Variants in WDR49 observed in about 807,000 individuals in gnomAD.
WDR49 encodes WD repeat domain 49.
In WDR49, 107 loss-of-function variants were observed where a neutral mutation model predicts 119.5. The observed-to-expected ratio is 0.90, with a 90% CI of 0.77 to 1.05. The LOEUF (loss-of-function observed/expected upper bound fraction) is 1.05, where lower values mean the gene tolerates loss of function less well. WDR49 is among the 50% of genes least tolerant of loss of function. WDR49 has a pLI of 0.00. For missense variants in WDR49, 1,240 were observed against 1,220.5 expected (o/e 1.02, Z -0.24); for synonymous variants, 425 against 418.8 (o/e 1.01, Z -0.18).
intron 5 of WDR49, among the ~76,000 whole-genome samples, chr3:167,607,010 G>T (rs1716093317): frequency 6.6e-6 from 1 of 152,100 alleles, no homozygotes; most frequent in Non-Finnish European, 1.5e-5. Context: ...TTGGAAAAAA[G>T]GAATATGAGC....
At chr3:167,657,065 A>G (rs1718621540), upstream of WDR49, among the ~76,000 whole-genome samples, 3 of 152,194 alleles carry the variant, frequency 2.0e-5, no homozygotes, top group Admixed American at 1.3e-4. Context: ...TTCACAGTCC[A>G]CACCCAAATC....
At chr3:167,481,372 T>C (rs1169321732) in intron 18 of WDR49, among the ~76,000 whole-genome samples, 2 of 151,254 alleles carry the variant, frequency 1.3e-5, no homozygotes, top group Non-Finnish European at 2.9e-5. Context: ...GAGGAAGTGA[T>C]GAAATATGAG....
chr3:167,546,067 G>A (rs1345059907), intron 10 of WDR49, among the ~76,000 whole-genome samples: 2 of 151,704 alleles, frequency 1.3e-5, no homozygotes, highest in Non-Finnish European at 2.9e-5. Flanking sequence ...ATTACCCTTT[G>A]AGGAGGGAGA....
chr3:167,619,004 T>C (rs533488057), intron 5 of WDR49, among the ~76,000 whole-genome samples: 1 of 152,288 alleles, frequency 6.6e-6, no homozygotes, highest in Admixed American at 6.5e-5. Flanking sequence ...AATATATAGA[T>C]ATAATGCATC....
intron 6 of WDR49, among the ~76,000 whole-genome samples, chr3:167,603,209 T>C (rs1457737576): frequency 6.6e-6 from 1 of 152,164 alleles, no homozygotes; most frequent in Non-Finnish European, 1.5e-5. Flanking sequence ...CACAATACTC[T>C]TTGTTGCTTC....
intron 7 of WDR49, among the ~76,000 whole-genome samples, chr3:167,598,805 C>G (rs561218913): frequency 1.1e-4 from 17 of 152,318 alleles, no homozygotes; most frequent in African/African-American, 3.8e-4. Context: ...AGGGGGCACC[C>G]CAAACCCAGT....
At chr3:167,562,817 C>T (rs578208700) in intron 8 of WDR49, among the ~76,000 whole-genome samples, 7 of 152,276 alleles carry the variant, frequency 4.6e-5, no homozygotes, top group African/African-American at 1.7e-4. Context: ...ATCTGTAAAC[C>T]AGAAATATTC....
At chr3:167,620,631 A>G in intron 4 of WDR49, 28 bp from the exon 5 acceptor site, 2 of 1,508,590 alleles carry the variant, frequency 1.3e-6, no homozygotes, top group Non-Finnish European at 1.8e-6. Flanking sequence ...AAGAACAACA[A>G]TCGTGGACGG....
chr3:167,505,364 T>C lies in WDR49; in HGVS notation c.2827A>G (p.Thr943Ala). 6.5e-7 allele frequency: 1 copy of C among 1,534,328 alleles called. No individual in the cohort carries two copies. Among genetic ancestry groups the C allele is most frequent in the Non-Finnish European group, 8.7e-7 (1 of 1,149,446 alleles). The change falls in exon 17 of 19, where the codon ACC (threonine) becomes GCC (alanine). Residue 943 changes from threonine to alanine, a missense_variant. Physicochemically the swap from Thr to Ala is moderately conservative, Grantham distance 58 (BLOSUM62 0). Transcript: ENST00000682715. ...GGTTTTTGTGTTTCTTTCATGCAGG[T>C]ACTTCTTTCCTTATATTTTATATCT... is the stretch of plus-strand genomic sequence containing the variant. ...NLDIKYKERS[T>A]CMKETQKPYY...
chr3:167,582,611 C>T (rs1714595385), intron 7 of WDR49, among the ~76,000 whole-genome samples: 1 of 152,052 alleles, frequency 6.6e-6, no homozygotes, highest in Non-Finnish European at 1.5e-5. Flanking sequence ...AGAGGCAAAA[C>T]ATTGTCTAAC....
intron 9 of WDR49, among the ~76,000 whole-genome samples, chr3:167,556,394 T>C (rs1013450231): frequency 6.6e-6 from 1 of 152,178 alleles, no homozygotes; most frequent in Non-Finnish European, 1.5e-5. Flanking sequence ...AAACCTCCTG[T>C]TGATGGTGGG....
chr3:167,492,431 A>G (rs1577194468), intron 18 of WDR49, among the ~76,000 whole-genome samples: 1 of 152,014 alleles, frequency 6.6e-6, no homozygotes, highest in East Asian at 1.9e-4. Context: ...AACTTAGGTC[A>G]ATTATTTAAA....
At position 167,586,909 on chromosome 3, in the gene WDR49, T is replaced by C. The variant is rs538369909; in HGVS notation, c.1276-10758A>G. ...AGACATTTTTTCACTTGCTTTTACG[T>C]TATAAAACCTCTCGGGGAAGTCTTA... On this transcript the variant is annotated intron_variant, in intron 7 of 18. Transcript: ENST00000682715. Among the ~76,000 whole-genome samples the C allele has an allele frequency of 1.0e-3, 157 of 152,192 alleles. 8 individuals are homozygous for C. The highest frequency in any genetic ancestry group is 7.9e-4 in the Non-Finnish European group (54 of 68,032).
chr3:167,631,083 A>G (rs926282283), intron 2 of WDR49, among the ~76,000 whole-genome samples: 1 of 150,064 alleles, frequency 6.7e-6, no homozygotes, highest in African/African-American at 2.4e-5. Context: ...ACTTGGACAC[A>G]GGGTGGGGAA....
At position 167,522,352 on chromosome 3, in the gene WDR49, G is replaced by C. The variant is rs1172923077; in HGVS notation, c.2737C>G (p.Leu913Val). 1.1e-5 allele frequency: 17 copies of C among 1,595,594 alleles called. No homozygotes were observed. Among genetic ancestry groups the C allele is most frequent in the Non-Finnish European group, 1.4e-5 (17 of 1,175,720 alleles). ...ESCLDPTEHS[L>V]LNKKNKDDST... is the part of the protein sequence containing the mutation. ...TCATCTTTGTTTTTCTTATTAAGTA[G>C]AGAATGTTCTGTTGGGTCTAAACAA... Residue 913 changes from leucine to valine, a missense_variant, in exon 16 of 19, where the codon CTA becomes GTA. Coordinates refer to ENST00000682715, the MANE Select transcript of WDR49 (RefSeq NM_001366157.1).
At position 167,572,706 on chromosome 3, in the gene WDR49, A is replaced by G. The variant is rs183393120; in HGVS notation, c.1509+3212T>C. Among the ~76,000 whole-genome samples the G allele has an allele frequency of 3.3e-5, 5 of 152,374 alleles. No individual in the cohort carries two copies. The East Asian group carries it at 7.7e-4, about 23-fold the overall frequency. ...ACCAAAAACATAGGAAGAGAGAGAA[A>G]TAAGTTTAGTTAAGTGTTTTACTGG... On this transcript the variant is annotated intron_variant, in intron 8 of 18. Transcript: ENST00000682715.
At chr3:167,523,908 A>ACCAT (rs1372724967) in intron 15 of WDR49, among the ~76,000 whole-genome samples, 3 of 152,188 alleles carry the variant, frequency 2.0e-5, no homozygotes, top group Non-Finnish European at 4.4e-5. Context: ...CTGAGTATAT[A>ACCAT]TTCAGTAATG....
chr3:167,499,258 C>T (rs1304024470), intron 18 of WDR49, among the ~76,000 whole-genome samples: 1 of 152,150 alleles, frequency 6.6e-6, no homozygotes, highest in African/African-American at 2.4e-5. Flanking sequence ...GACTCTTAAA[C>T]TCCCCTAACT....
intron 8 of WDR49, among the ~76,000 whole-genome samples, chr3:167,560,764 C>A: frequency 1.4e-5 from 2 of 142,568 alleles, no homozygotes; most frequent in African/African-American, 2.6e-5. Context: ...TATAGCTAAA[C>A]ACAATTATTG....
Sources: allele counts gnomAD v4.1 joint callset (sites outside exome capture counted in the v4.1 genomes callset), GRCh38; gene constraint gnomAD v4.1.1; transcripts MANE v1.5; gene names NCBI Gene and HGNC (gene_info 2026-07-23, HGNC 2026-07-21).